The following TMEM114 variants were observed in gnomAD, a reference collection of about 807,000 sequenced individuals.
The protein encoded by TMEM114 is transmembrane protein 114, also known as claudin-26.
Under a neutral mutation model 6.2 loss-of-function variants are expected in TMEM114, and 6 were observed. That is an observed-to-expected ratio of 0.97 (90% CI 0.53 to 1.91). The LOEUF is 1.91. TMEM114 is among the 40% of genes most tolerant of loss of function. TMEM114 has a pLI of 0.01. For synonymous variants in TMEM114, 104 were observed against 73.0 expected, an observed-to-expected ratio of 1.42 and a Z score of -2.16; for missense variants, 218 against 158.3, an observed-to-expected ratio of 1.38 and a Z score of -2.02.
downstream of TMEM114, among the ~76,000 whole-genome samples, chr16:8,535,849 T>C (rs961217954): frequency 2.6e-5 from 4 of 152,194 alleles, no homozygotes; most frequent in Non-Finnish European, 5.9e-5. Flanking sequence ...ATACCCATGT[T>C]TTAGCCCCGG....
intron 2 of TMEM114, among the ~76,000 whole-genome samples, chr16:8,573,281 G>C (rs574414321): frequency 2.0e-5 from 3 of 152,278 alleles, no homozygotes; most frequent in Admixed American, 2.0e-4. Context: ...GGGTTGCAGA[G>C]CCAAACGGAT....
the TMEM114 span, among the ~76,000 whole-genome samples, chr16:8,528,066 G>A: frequency 6.6e-6 from 1 of 152,018 alleles, no homozygotes; most frequent in Admixed American, 6.6e-5. Flanking sequence ...GTGCCACCAT[G>A]CCCGGCTAAG....
rs1228162509 is a variant in TMEM114, at chr16:8,562,860, A to ATGAG, written n.213-25038_213-25035dup. On this transcript the variant is annotated intron_variant and non_coding_transcript_variant, in intron 2 of 2. Coordinates refer to the TMEM114 transcript ENST00000623677. ...AGTGAGTGAATAAGTGAGTGAGTGA[A>ATGAG]TGAGTGAGTAAATGAGTGAGGGAGG... Among the ~76,000 whole-genome samples, 3 of 147,182 alleles carry ATGAG rather than the reference A, an allele frequency of 2.0e-5. No individual in the cohort carries two copies. In the East Asian group the frequency reaches 6.3e-4, roughly 31 times the overall value.
intron 2 of TMEM114, among the ~76,000 whole-genome samples, chr16:8,540,968 A>T (rs1442349550): frequency 6.6e-6 from 1 of 152,206 alleles, no homozygotes; most frequent in Non-Finnish European, 1.5e-5. Flanking sequence ...TGGCAAAGAC[A>T]TACGCATGGA....
At chr16:8,575,440 A>G (rs1021823515) in intron 2 of TMEM114, among the ~76,000 whole-genome samples, 2 of 152,236 alleles carry the variant, frequency 1.3e-5, no homozygotes, top group Admixed American at 1.3e-4. Flanking sequence ...AGAATCAAAC[A>G]ATCATCAACT....
At chr16:8,565,858 G>T (rs1901526053), downstream of TMEM114, among the ~76,000 whole-genome samples, 1 of 152,210 alleles carries the variant, frequency 6.6e-6, no homozygotes, top group African/African-American at 2.4e-5. Flanking sequence ...CTAGCAACTG[G>T]TTGTTTTTTA....
At chr16:8,528,124 C>A in the TMEM114 span, among the ~76,000 whole-genome samples, 1 of 152,226 alleles carries the variant, frequency 6.6e-6, no homozygotes, top group African/African-American at 2.4e-5. Context: ...TGTCCTTGAA[C>A]TCCTGGGCTC....
intron 2 of TMEM114, among the ~76,000 whole-genome samples, chr16:8,541,204 G>A (rs1296731225): frequency 6.6e-6 from 1 of 152,078 alleles, no homozygotes; most frequent in Non-Finnish European, 1.5e-5. Context: ...ATTATTTTCT[G>A]CGTTTTACTA....
At chr16:8,539,781 A>C (rs1900465723) in intron 2 of TMEM114, among the ~76,000 whole-genome samples, 1 of 152,178 alleles carries the variant, frequency 6.6e-6, no homozygotes, top group Admixed American at 6.5e-5. Context: ...AATGGAAGTA[A>C]CTTTAAAAAA....
the TMEM114 span, among the ~76,000 whole-genome samples, chr16:8,527,090 C>T: frequency 3.3e-5 from 5 of 152,286 alleles, no homozygotes; most frequent in South Asian, 1.0e-3. Context: ...ACCTGTAGTC[C>T]CAGCTACTCA....
downstream of TMEM114, among the ~76,000 whole-genome samples, chr16:8,534,259 A>G (rs1022638560): frequency 6.6e-6 from 1 of 152,184 alleles, no homozygotes; most frequent in African/African-American, 2.4e-5. Flanking sequence ...TGCAAATGTA[A>G]TTCTTCAAAG....
chr16:8,582,872 C>T (rs1902199418), intron 2 of TMEM114, among the ~76,000 whole-genome samples: 1 of 151,976 alleles, frequency 6.6e-6, no homozygotes, highest in African/African-American at 2.4e-5. Context: ...ACACTCCAGC[C>T]TGGGCAACAG....
chr16:8,541,806 C>A (rs1900522312), intron 2 of TMEM114, among the ~76,000 whole-genome samples: 1 of 152,250 alleles, frequency 6.6e-6, no homozygotes, highest in South Asian at 2.1e-4. Context: ...CAGAGGGTTC[C>A]ACTTGGGAAC....
the TMEM114 span, among the ~76,000 whole-genome samples, chr16:8,527,202 CTG>C: frequency 1.3e-5 from 2 of 152,178 alleles, no homozygotes; most frequent in Non-Finnish European, 2.9e-5. Flanking sequence ...CAGAGTGAAA[CTG>C]TGTCTCAATT....
rs183224139 is a variant in TMEM114 at position 8,582,424 on chromosome 16, G to A, written c.301+6789C>T. Among the ~76,000 whole-genome samples, 14 of 152,308 alleles carry A rather than the reference G, an allele frequency of 9.2e-5. No individual in the cohort carries two copies. The East Asian group carries it at 1.7e-3, about 19-fold the overall frequency. ...GGCTCTGAACCTGCTGTTCTGTCTC[G>A]TAATGCAGGTCTCTGGTTTCCTGTC... is the stretch of plus-strand genomic sequence containing the variant. On this transcript the variant is annotated intron_variant, in intron 2 of 3. Transcript: ENST00000620492.
chr16:8,540,402 T>C (rs1230643474), intron 2 of TMEM114, among the ~76,000 whole-genome samples: 3 of 152,134 alleles, frequency 2.0e-5, no homozygotes, highest in Non-Finnish European at 4.4e-5. Flanking sequence ...AACTGTGAAA[T>C]AAGAGTGATG....
In TMEM114 at chr16:8,584,063, A is replaced by C. The variant is rs73489602; in HGVS notation, c.301+5150T>G. The stretch of plus-strand genomic sequence containing the variant: ...CCTAGCTGCAAGTTTGGTGGAATTC[A>C]TGAGAAACAGAACGTCTCCCTTTTT... On this transcript the variant is annotated intron_variant, in intron 2 of 3. Transcript: ENST00000620492. Among the ~76,000 whole-genome samples the C allele has an allele frequency of 4.4e-3, 667 of 152,352 alleles. 7 individuals are homozygous for C. The highest frequency in any genetic ancestry group is 0.015 in the African/African-American group (616 of 41,580).
chr16:8,584,940 A>AAAAAAAAG (rs1409319481), intron 2 of TMEM114, among the ~76,000 whole-genome samples: 56 of 146,786 alleles, frequency 3.8e-4, no homozygotes, highest in Non-Finnish European at 6.0e-4. Context: ...AAAAAAAAAA[A>AAAAAAAAG]AAGAAGAAGA....
chr16:8,527,490 C>G, the TMEM114 span, among the ~76,000 whole-genome samples: 2 of 152,096 alleles, frequency 1.3e-5, no homozygotes, highest in Non-Finnish European at 2.9e-5. Flanking sequence ...GCTGTGAGCA[C>G]AAAATAAGAT....
Sources: allele counts gnomAD v4.1 joint callset (sites outside exome capture counted in the v4.1 genomes callset), GRCh38; gene constraint gnomAD v4.1.1; transcripts MANE v1.5; gene names NCBI Gene and HGNC (gene_info 2026-07-23, HGNC 2026-07-21).